GLIS1: variants seen among roughly 807,000 people sequenced by gnomAD.
The protein encoded by GLIS1 is zinc finger protein GLIS1.
Under a neutral mutation model 63.8 loss-of-function variants are expected in GLIS1, and 24 were observed. The observed-to-expected ratio is 0.38, with a 90% CI of 0.27 to 0.53. The LOEUF is 0.53. Among genes scored for constraint, GLIS1 ranks in the 20% least tolerant of loss-of-function variants. GLIS1 has a pLI of 0.85. For missense variants in GLIS1, 1,036 were observed against 1,074.1 expected (o/e 0.96, Z 0.50); for synonymous variants, 450 against 482.5 (o/e 0.93, Z 0.88).
intron 2 of GLIS1, among the ~76,000 whole-genome samples, chr1:53,727,680 C>G (rs1398892674): frequency 2.6e-5 from 4 of 152,038 alleles, no homozygotes; most frequent in African/African-American, 4.8e-5. Flanking sequence ...AGGCTTGCAA[C>G]GAAAGAGCCT....
chr1:53,634,338 A>G (rs1314985936), intron 2 of GLIS1, among the ~76,000 whole-genome samples: 1 of 152,188 alleles, frequency 6.6e-6, no homozygotes, highest in Non-Finnish European at 1.5e-5. Flanking sequence ...AGGAATGAAT[A>G]TAAAAAGAAA....
At chr1:53,615,846 C>G (rs1645476891) in intron 2 of GLIS1, among the ~76,000 whole-genome samples, 1 of 151,994 alleles carries the variant, frequency 6.6e-6, no homozygotes, top group Non-Finnish European at 1.5e-5. Flanking sequence ...CTCCTGGATT[C>G]AAGCAATAAC....
chr1:53,586,050 C>A (rs370918983), intron 4 of GLIS1, among the ~76,000 whole-genome samples: 2 of 152,132 alleles, frequency 1.3e-5, no homozygotes, highest in African/African-American at 4.8e-5. Flanking sequence ...AAGTTATTTC[C>A]ATCTGGGGAC....
rs1168655126 is a variant in GLIS1 at position 53,539,526 on chromosome 1, AC to A, written c.1321-9575del. Among the ~76,000 whole-genome samples the A allele has an allele frequency of 8.9e-6, 1 of 112,620 alleles. No individual in the cohort carries two copies. Among genetic ancestry groups the A allele is most frequent in the Non-Finnish European group, 1.9e-5 (1 of 52,858 alleles). The allele number at this position is 112,620 out of a possible 152,430, so 73.9% of individuals were successfully genotyped here. A position where few individuals can be genotyped will look rare whatever the true frequency, so the allele number is the denominator to read the frequency against. On this transcript the variant is annotated intron_variant, in intron 4 of 10. Transcript: ENST00000628545. The surrounding 1 kb of genome is among the most constrained non-coding windows in gnomAD (Gnocchi z 5.0). The stretch of plus-strand genomic sequence containing the variant: ...AACATACACACACCACACCACACAC[AC>A]ACATACCACACGGTATACACCCCCC...
chr1:53,632,419 G>C (rs1304092878), intron 2 of GLIS1, among the ~76,000 whole-genome samples: 1 of 149,132 alleles, frequency 6.7e-6, no homozygotes, highest in African/African-American at 2.5e-5. Context: ...TGAGGGGCAT[G>C]TGGATGAATA....
intron 2 of GLIS1, among the ~76,000 whole-genome samples, chr1:53,694,993 T>C (rs887840144): frequency 8.5e-5 from 13 of 152,126 alleles, no homozygotes; most frequent in South Asian, 2.1e-4. Context: ...CCCCAGACAC[T>C]AGGGACCACG....
chr1:53,657,020 T>A (rs1004552781), intron 2 of GLIS1, among the ~76,000 whole-genome samples: 5 of 47,616 alleles, frequency 1.1e-4, no homozygotes, highest in Non-Finnish European at 5.1e-4. Context: ...GACAGCGATA[T>A]CACAGTCCCC....
Position 53,506,548 on chromosome 1 carries a change from G to A in GLIS1, c.*71C>T. On this transcript the variant is annotated 3_prime_UTR_variant, in exon 11 of 11. Coordinates refer to ENST00000628545, the MANE Select transcript of GLIS1 (RefSeq NM_001367484.1). ...TGGCACTCCTGCTAGGTGCACGGAG[G>A]GTGGGAGCGACAGCAGGTGGGCGAG... The A allele has an allele frequency of 6.7e-7, 1 of 1,502,938 alleles. No homozygotes were observed. The highest frequency in any genetic ancestry group is 1.2e-5 in the South Asian group (1 of 83,880). The allele number at this position is 1,502,938 out of a possible 1,614,324, so 93.1% of individuals were successfully genotyped here.
intron 2 of GLIS1, among the ~76,000 whole-genome samples, chr1:53,696,458 G>A (rs1306408051): frequency 6.6e-6 from 1 of 152,082 alleles, no homozygotes; most frequent in Admixed American, 6.5e-5. Flanking sequence ...CAGGATCCAC[G>A]ACCCAGACCC....
intron 2 of GLIS1, among the ~76,000 whole-genome samples, chr1:53,632,824 A>G (rs1247728471): frequency 1.5e-5 from 2 of 136,074 alleles, no homozygotes; most frequent in Non-Finnish European, 3.1e-5. Flanking sequence ...AGGTGTATGA[A>G]TGAGTGTGAC....
intron 4 of GLIS1, among the ~76,000 whole-genome samples, chr1:53,591,956 G>C (rs1645196570): frequency 6.6e-6 from 1 of 152,188 alleles, no homozygotes; most frequent in Admixed American, 6.6e-5. Context: ...GCCCTTCTGG[G>C]CCTTCCCTCC....
intron 2 of GLIS1, among the ~76,000 whole-genome samples, chr1:53,679,570 C>CTTGCCCCATTTA (rs1425379896): frequency 6.6e-6 from 1 of 152,202 alleles, no homozygotes; most frequent in African/African-American, 2.4e-5. Flanking sequence ...CAGAAAGCCA[C>CTTGCCCCATTTA]TTGCCCCATT....
At chr1:53,599,427 G>A (rs1645293411) in intron 3 of GLIS1, among the ~76,000 whole-genome samples, 1 of 152,220 alleles carries the variant, frequency 6.6e-6, no homozygotes, top group African/African-American at 2.4e-5. Context: ...TCGGGACTCT[G>A]CAGAGGTCCA....
intron 2 of GLIS1, among the ~76,000 whole-genome samples, chr1:53,623,378 G>T (rs1479556612): frequency 6.6e-6 from 1 of 152,034 alleles, no homozygotes; most frequent in African/African-American, 2.4e-5. Context: ...ACTAGAAACA[G>T]AAAAGAATTT....
chr1:53,596,790 C>T (rs567310036), intron 3 of GLIS1, among the ~76,000 whole-genome samples: 95 of 152,148 alleles, frequency 6.2e-4, no homozygotes, highest in African/African-American at 2.2e-3. Flanking sequence ...AAGGGAGCTG[C>T]TGAGATGGGG....
chr1:53,575,579 C>T (rs143648741), intron 4 of GLIS1, among the ~76,000 whole-genome samples: 3 of 152,318 alleles, frequency 2.0e-5, no homozygotes, highest in Non-Finnish European at 4.4e-5. Context: ...GTATCCATCC[C>T]GTGGTTGGTT....
intron 2 of GLIS1, 59 bp from the exon 3 acceptor site, chr1:53,600,337 G>T: frequency 8.6e-7 from 1 of 1,160,084 alleles, no homozygotes; most frequent in Non-Finnish European, 1.1e-6. Context: ...CTGCAGAGGG[G>T]TATGGGGAGA....
At chr1:53,625,511 C>T (rs2100219874) in intron 2 of GLIS1, among the ~76,000 whole-genome samples, 1 of 152,296 alleles carries the variant, frequency 6.6e-6, no homozygotes, top group Non-Finnish European at 1.5e-5. Context: ...CATTTTCATT[C>T]ATTAATTCAT....
chr1:53,674,309 A>G (rs1445768161), intron 2 of GLIS1, among the ~76,000 whole-genome samples: 1 of 152,244 alleles, frequency 6.6e-6, no homozygotes, highest in Non-Finnish European at 1.5e-5. Flanking sequence ...AGCATCGCCA[A>G]GAAACCTGCT....
Sources: gnomAD v4.1 joint callset for allele counts (sites outside exome capture counted in the v4.1 genomes callset) on GRCh38, gnomAD v4.1.1 for gene constraint, Gnocchi (gnomAD v3.1) non-coding constraint, MANE v1.5 for transcripts, NCBI Gene and HGNC (gene_info 2026-07-23, HGNC 2026-07-21) for gene names.